The following CTTNBP2 variants were observed in gnomAD, a reference collection of about 807,000 sequenced individuals.
CTTNBP2 encodes the protein cortactin binding protein 2, also known as cortactin-binding protein 2.
In CTTNBP2, 108 loss-of-function variants were observed where a neutral mutation model predicts 156.9. That is an observed-to-expected ratio of 0.69 (90% CI 0.59 to 0.81). CTTNBP2 has a LOEUF of 0.81. Ranked by LOEUF, CTTNBP2 falls within the 30% of genes least tolerant of loss-of-function variation. The pLI is 0.00. For missense variants in CTTNBP2, 1,924 were observed against 2,035.4 expected (o/e 0.95, Z 1.05); for synonymous variants, 767 against 751.8 (o/e 1.02, Z -0.33).
intron 16 of CTTNBP2, among the ~76,000 whole-genome samples, chr7:117,733,556 C>A (rs1000331699): frequency 2.6e-5 from 4 of 152,192 alleles, no homozygotes; most frequent in African/African-American, 9.6e-5. Context: ...AAGCTACAGA[C>A]CTATGACTGT....
chr7:117,848,462 T>C (rs377252967), intron 2 of CTTNBP2, among the ~76,000 whole-genome samples: 20 of 152,328 alleles, frequency 1.3e-4, no homozygotes, highest in African/African-American at 4.8e-4. Flanking sequence ...TACAGTGATA[T>C]TGTGGAAAAC....
intron 2 of CTTNBP2, among the ~76,000 whole-genome samples, chr7:117,845,521 G>A (rs1231277230): frequency 6.6e-6 from 1 of 152,070 alleles, no homozygotes; most frequent in East Asian, 1.9e-4. Context: ...TAAAAAAAAG[G>A]ATATCTTAAA....
intron 3 of CTTNBP2, among the ~76,000 whole-genome samples, chr7:117,795,041 C>T (rs529719218): frequency 1.1e-4 from 16 of 151,454 alleles, no homozygotes; most frequent in Admixed American, 2.0e-4. Flanking sequence ...ACTACAGGCG[C>T]CCGCCACCGC....
chr7:117,739,065 G>A (rs1355182683), intron 14 of CTTNBP2, among the ~76,000 whole-genome samples: 1 of 152,150 alleles, frequency 6.6e-6, no homozygotes, highest in African/African-American at 2.4e-5. Context: ...GGAAAGCTTT[G>A]TCTTCATTCG....
chr7:117,777,381 G>T, intron 8 of CTTNBP2, 130 bp downstream of exon 8: 1 of 916,936 alleles, frequency 1.1e-6, no homozygotes, highest in South Asian at 1.8e-5. Flanking sequence ...ATTTGTATTG[G>T]TAAATAACAT....
chr7:117,815,277 T>C (rs559323633), intron 2 of CTTNBP2, among the ~76,000 whole-genome samples: 1 of 152,286 alleles, frequency 6.6e-6, no homozygotes, highest in Non-Finnish European at 1.5e-5. Flanking sequence ...TGAAAACTCA[T>C]AGATTAAATA....
At position 117,735,288 on chromosome 7, in the gene CTTNBP2, G is replaced by T. The variant is rs778055419; in HGVS notation, c.3669C>A (p.Ser1223Arg). 15 of 1,613,908 alleles carry T rather than the reference G, an allele frequency of 9.3e-6. 1 individual carries two copies. The Middle Eastern group carries it at 6.6e-4, about 71-fold the overall frequency. ...LAPLENRSTE[S>R]PCTFQKGNGL... Reference sequence around the variant, plus strand: ...CGTTACCTTTTTGGAAAGTGCAGGGGCTTTCAGTGCTGCGATTTTCAAGAG... The same window carrying T: ...CGTTACCTTTTTGGAAAGTGCAGGGTCTTTCAGTGCTGCGATTTTCAAGAG... Residue 1223 changes from serine to arginine, a missense_variant, in exon 15 of 23, where the codon AGC becomes AGA. Transcript: ENST00000160373.
chr7:117,716,545 G>C (rs1794389892), intron 22 of CTTNBP2, among the ~76,000 whole-genome samples: 1 of 152,136 alleles, frequency 6.6e-6, no homozygotes, highest in Non-Finnish European at 1.5e-5. Flanking sequence ...AGGCTTTAAA[G>C]ATAGCAAAGG....
intron 2 of CTTNBP2, among the ~76,000 whole-genome samples, chr7:117,820,904 T>TGC: frequency 6.6e-6 from 1 of 152,210 alleles, no homozygotes; most frequent in African/African-American, 2.4e-5. Flanking sequence ...TGGTAAGTCA[T>TGC]TTTATATTCT....
intron 3 of CTTNBP2, among the ~76,000 whole-genome samples, chr7:117,801,821 T>C (rs894203216): frequency 6.6e-6 from 1 of 152,206 alleles, no homozygotes; most frequent in African/African-American, 2.4e-5. Flanking sequence ...TAAAGAATGC[T>C]GATACCGTAC....
intron 16 of CTTNBP2, among the ~76,000 whole-genome samples, chr7:117,733,410 G>T (rs142005359): frequency 7.6e-4 from 116 of 152,240 alleles, no homozygotes; most frequent in African/African-American, 2.5e-3. Context: ...AGCGGGAGAG[G>T]GGTATACTTT....
intron 2 of CTTNBP2, among the ~76,000 whole-genome samples, chr7:117,854,607 T>G (rs949200438): frequency 6.6e-6 from 1 of 152,206 alleles, no homozygotes; most frequent in African/African-American, 2.4e-5. Flanking sequence ...TTTTAAATAG[T>G]AAAATATGTA....
At chr7:117,736,291 C>A (rs928681200) in intron 14 of CTTNBP2, among the ~76,000 whole-genome samples, 1 of 151,954 alleles carries the variant, frequency 6.6e-6, no homozygotes, top group Non-Finnish European at 1.5e-5. Context: ...CCTGCCTGTA[C>A]AAAAAATACA....
intron 2 of CTTNBP2, among the ~76,000 whole-genome samples, chr7:117,841,130 G>C (rs1377860788): frequency 3.3e-5 from 5 of 152,118 alleles, no homozygotes; most frequent in Non-Finnish European, 7.3e-5. Flanking sequence ...CTAAATAAGT[G>C]AGAAGAATAG....
At chr7:117,717,920 TAA>T in intron 22 of CTTNBP2, 96 bp downstream of exon 22, 1 of 773,204 alleles carries the variant, frequency 1.3e-6, no homozygotes, top group Non-Finnish European at 2.2e-6. Flanking sequence ...AGCTTTGGTT[TAA>T]AAAAATAACT....
chr7:117,777,756 T>C lies in CTTNBP2; in HGVS notation c.2533A>G (p.Thr845Ala). The C allele has an allele frequency of 1.2e-6, 2 of 1,604,004 alleles. No individual in the cohort carries two copies. The highest frequency in any genetic ancestry group is 1.7e-6 in the Non-Finnish European group (2 of 1,172,406). ...NRSVKTTDGWTPVHAAVDTGN... is the reference protein window; with the variant it reads ...NRSVKTTDGWAPVHAAVDTGN... Reference sequence around the variant, plus strand: ...GTGTCCACAGCTGCGTGAACTGGTGTCCAGCCATCCTGAAAATAAAATGAC... The same window carrying C: ...GTGTCCACAGCTGCGTGAACTGGTGCCCAGCCATCCTGAAAATAAAATGAC... Residue 845 changes from threonine (T) to alanine (A), a missense_variant, in exon 8 of 23, where the codon ACA becomes GCA. Thr to Ala is a moderately conservative substitution (Grantham distance 58). Transcript: ENST00000160373.
chr7:117,871,511 G>C (rs1185856186), intron 1 of CTTNBP2: 1 of 165,278 alleles, frequency 6.1e-6, no homozygotes, highest in Admixed American at 6.5e-5. Context: ...CATTAACAAG[G>C]GTGAAATTAT....
intron 8 of CTTNBP2, among the ~76,000 whole-genome samples, chr7:117,768,116 C>CA (rs1491513838): frequency 0.011 from 1,725 of 151,370 alleles, 18 homozygotes; most frequent in Non-Finnish European, 0.018. Context: ...CACACACACA[C>CA]CCACTTGGAG....
chr7:117,795,110 A>G (rs1384880898), intron 3 of CTTNBP2, among the ~76,000 whole-genome samples: 1 of 150,236 alleles, frequency 6.7e-6, no homozygotes, highest in African/African-American at 2.5e-5. Flanking sequence ...GTTAGCCAGG[A>G]TGGTCTCGAT....
Sources: gnomAD v4.1 joint callset for allele counts (sites outside exome capture counted in the v4.1 genomes callset) on GRCh38, gnomAD v4.1.1 for gene constraint, MANE v1.5 for transcripts, NCBI Gene and HGNC (gene_info 2026-07-23, HGNC 2026-07-21) for gene names.